UGT1A6: variants seen among roughly 807,000 people sequenced by gnomAD.
The protein encoded by UGT1A6 is UDP glucuronosyltransferase family 1 member A6, also known as UDP-glucuronosyltransferase 1A6.
In UGT1A6, 32 loss-of-function variants were observed where a neutral mutation model predicts 44.4. The ratio of observed to expected loss-of-function variants is 0.72; its 90% CI spans 0.54 to 0.97. UGT1A6 has a LOEUF of 0.97. Ranked by LOEUF, UGT1A6 falls within the 50% of genes least tolerant of loss-of-function variation. The pLI, the probability that UGT1A6 is intolerant of heterozygous loss-of-function variation, is 0.00. For synonymous variants in UGT1A6, 238 were observed against 248.5 expected, an observed-to-expected ratio of 0.96 and a Z score of 0.40; for missense variants, 685 against 661.9, an observed-to-expected ratio of 1.03 and a Z score of -0.38.
chr2:233,724,260 C>T (rs1481062069), intron 1 of UGT1A6, among the ~76,000 whole-genome samples: 12 of 129,940 alleles, frequency 9.2e-5, no homozygotes, highest in East Asian at 4.9e-4. Context: ...CCTCACCTCC[C>T]GGACGGGGCG....
intron 1 of UGT1A6, among the ~76,000 whole-genome samples, chr2:233,727,971 C>G (rs1256650182): frequency 6.6e-6 from 1 of 152,196 alleles, no homozygotes; most frequent in Non-Finnish European, 1.5e-5. Context: ...CTGAGGTGAC[C>G]AGGACAAGGT....
chr2:233,759,597 C>T (rs1299391040), intron 1 of UGT1A6, among the ~76,000 whole-genome samples: 1 of 140,706 alleles, frequency 7.1e-6, no homozygotes, highest in Admixed American at 7.3e-5. Flanking sequence ...CCCCCACCCC[C>T]GACCCGCCCC....
intron 1 of UGT1A6, among the ~76,000 whole-genome samples, chr2:233,749,509 A>G (rs912225239): frequency 2.6e-5 from 4 of 151,940 alleles, no homozygotes; most frequent in African/African-American, 7.3e-5. Context: ...GAATTAGAGA[A>G]CACTAGCAAG....
chr2:233,747,327 C>T (rs1052520696), intron 1 of UGT1A6: 43 of 1,603,124 alleles, frequency 2.7e-5, no homozygotes, highest in Non-Finnish European at 3.7e-5. Flanking sequence ...CCATTGATGG[C>T]AGCCACTGGC....
At chr2:233,727,858 G>A (rs2077658593) in intron 1 of UGT1A6, among the ~76,000 whole-genome samples, 1 of 152,180 alleles carries the variant, frequency 6.6e-6, no homozygotes, top group Non-Finnish European at 1.5e-5. Flanking sequence ...TCCTCCCTAA[G>A]GGAAGCCTCA....
intron 1 of UGT1A6, chr2:233,743,626 G>C: frequency 7.3e-7 from 1 of 1,367,322 alleles, no homozygotes. Context: ...TGAAGACGTC[G>C]GCTGGGTCGC....
chr2:233,769,664 G>A lies in UGT1A6; in HGVS notation c.1301+1225G>A. ...CTGATGACTGACTTCCCACCTTTGAGGTGCTAATGTGTGTGTGGTGGCACT... is the reference window on the plus strand; with the variant it reads ...CTGATGACTGACTTCCCACCTTTGAAGTGCTAATGTGTGTGTGGTGGCACT... On this transcript the variant is annotated intron_variant, in intron 4 of 4. Coordinates refer to ENST00000305139, the MANE Select transcript of UGT1A6 (RefSeq NM_001072.4). This position sits in a 1 kb window ranked among gnomAD's most constrained non-coding sequence, Gnocchi z 4.4. The A allele has an allele frequency of 6.3e-7, 1 of 1,596,206 alleles. No homozygotes were observed. Among genetic ancestry groups the A allele is most frequent in the African/African-American group, 1.3e-5 (1 of 74,742 alleles).
At chr2:233,697,646 C>T (rs1000936615) in intron 1 of UGT1A6, among the ~76,000 whole-genome samples, 2 of 150,654 alleles carry the variant, frequency 1.3e-5, no homozygotes, top group African/African-American at 4.9e-5. Context: ...TTTTTAGTTC[C>T]TTGAGGTGCA....
intron 4 of UGT1A6, among the ~76,000 whole-genome samples, chr2:233,768,849 G>A (rs1699741817): frequency 6.6e-6 from 1 of 152,046 alleles, no homozygotes; most frequent in African/African-American, 2.4e-5. Flanking sequence ...CTGCCAAAGT[G>A]CTGAGATTAC....
Position 233,701,134 on chromosome 2 carries a change from G to C in UGT1A6, c.861+7269G>C, listed in dbSNP as rs906928223. 1.2e-4 allele frequency among the ~76,000 whole-genome samples: 19 copies of C among 152,132 alleles called. 1 individual carries two copies. The highest frequency in any genetic ancestry group is 4.6e-4 in the African/African-American group (19 of 41,418). On this transcript the variant is annotated intron_variant, in intron 1 of 4. Coordinates refer to ENST00000305139, the MANE Select transcript of UGT1A6 (RefSeq NM_001072.4). ...CAGTCTATCATTGAGGGACATTTAG[G>C]TTGGTTCCAAGTCTTTGCTATTGTG...
chr2:233,711,387 G>A (rs1236351925), intron 1 of UGT1A6, among the ~76,000 whole-genome samples: 2 of 152,246 alleles, frequency 1.3e-5, no homozygotes, highest in African/African-American at 2.4e-5. Context: ...CCTCCCAGGT[G>A]TGTTCCACCC....
intron 1 of UGT1A6, chr2:233,753,392 A>T (rs1289674788): frequency 6.6e-6 from 1 of 152,232 alleles, no homozygotes; most frequent in Non-Finnish European, 1.5e-5. Flanking sequence ...CTCTGAGGGT[A>T]CTAGAGCATA....
chr2:233,718,938 C>T, intron 1 of UGT1A6: 1 of 1,614,130 alleles, frequency 6.2e-7, no homozygotes, highest in Non-Finnish European at 8.5e-7. Context: ...TGATGGCAGC[C>T]CCTGGCTCAG....
At chr2:233,698,261 A>G (rs911865957) in intron 1 of UGT1A6, among the ~76,000 whole-genome samples, 9 of 152,224 alleles carry the variant, frequency 5.9e-5, no homozygotes, top group Non-Finnish European at 1.3e-4. Context: ...TTGTCCAATA[A>G]TCAAACCATT....
chr2:233,768,088 A>G, intron 3 of UGT1A6, 132 bp from the exon 4 acceptor site: 2 of 1,591,352 alleles, frequency 1.3e-6, no homozygotes, highest in Non-Finnish European at 1.7e-6. Flanking sequence ...CTCAACCCAC[A>G]TTTTCTTCTG....
chr2:233,713,382 C>G lies in UGT1A6; in HGVS notation c.861+19517C>G, dbSNP rs201021989. 48 of 1,614,012 alleles carry G rather than the reference C, an allele frequency of 3.0e-5. No homozygotes were observed. The highest frequency in any genetic ancestry group is 4.0e-5 in the Non-Finnish European group (47 of 1,180,030). ...GATCATACATAGGTCTTGTGTGGAG[C>G]TACTGCATAATGAGGCCCTGATCAG... On this transcript the variant is annotated intron_variant, in intron 1 of 4. Coordinates refer to ENST00000305139, the MANE Select transcript of UGT1A6 (RefSeq NM_001072.4).
chr2:233,709,107 T>G (rs899292294), intron 1 of UGT1A6, among the ~76,000 whole-genome samples: 1 of 152,146 alleles, frequency 6.6e-6, no homozygotes, highest in Non-Finnish European at 1.5e-5. Context: ...CATGCCCATC[T>G]CTGAACTAAT....
chr2:233,747,561 T>A (rs1440337169), intron 1 of UGT1A6: 2 of 1,596,952 alleles, frequency 1.3e-6, no homozygotes, highest in Non-Finnish European at 1.7e-6. Context: ...TATGGCAATT[T>A]TGAAAAATTC....
chr2:233,751,941 T>C (rs1479720548), intron 1 of UGT1A6, among the ~76,000 whole-genome samples: 1 of 152,170 alleles, frequency 6.6e-6, no homozygotes, highest in South Asian at 2.1e-4. Context: ...GAAGTTATAC[T>C]GAAAGGGTTT....
Sources: allele counts gnomAD v4.1 joint callset (sites outside exome capture counted in the v4.1 genomes callset), GRCh38; gene constraint gnomAD v4.1.1; non-coding constraint Gnocchi (gnomAD v3.1); transcripts MANE v1.5; gene names NCBI Gene and HGNC (gene_info 2026-07-23, HGNC 2026-07-21).